P3H2: variants seen among roughly 807,000 people sequenced by gnomAD.
P3H2 encodes the protein leprecan-like 1.
In P3H2, 80 loss-of-function variants were observed where a neutral mutation model predicts 87.0. The ratio of observed to expected loss-of-function variants is 0.92; its 90% CI spans 0.77 to 1.11. P3H2 has a LOEUF of 1.11. Ranked by LOEUF, P3H2 falls within the 50% of genes least tolerant of loss-of-function variation. P3H2 has a pLI of 0.00. For synonymous variants in P3H2, 367 were observed against 359.3 expected, an observed-to-expected ratio of 1.02 and a Z score of -0.24; for missense variants, 1,001 against 923.9, an observed-to-expected ratio of 1.08 and a Z score of -1.08.
chr3:189,979,078 G>A (rs1723443665), intron 8 of P3H2, among the ~76,000 whole-genome samples: 1 of 152,064 alleles, frequency 6.6e-6, no homozygotes, highest in African/African-American at 2.4e-5. Context: ...AAAGCATGAT[G>A]GTGTAGGCAG....
intron 1 of P3H2, among the ~76,000 whole-genome samples, chr3:190,021,569 T>G (rs922601651): frequency 1.5e-5 from 2 of 134,768 alleles, no homozygotes; most frequent in African/African-American, 5.1e-5. Flanking sequence ...TATGTAAACT[T>G]TTCTCTTTCA....
chr3:190,030,038 G>T (rs1719631), intron 1 of P3H2, among the ~76,000 whole-genome samples: 88,848 of 151,036 alleles, frequency 0.59, 27,756 homozygotes, highest in Admixed American at 0.71. Context: ...AAAAGATAAT[G>T]TGCTGAACTA....
intron 1 of P3H2, among the ~76,000 whole-genome samples, chr3:190,104,640 T>A (rs1577325964): frequency 1.3e-5 from 2 of 152,322 alleles, no homozygotes; most frequent in East Asian, 1.9e-4. Flanking sequence ...TTGCTTTTAC[T>A]TAGTATATCA....
intron 1 of P3H2, among the ~76,000 whole-genome samples, chr3:190,055,062 T>G (rs1221176894): frequency 2.0e-5 from 3 of 152,196 alleles, no homozygotes; most frequent in Non-Finnish European, 2.9e-5. Flanking sequence ...TCTTGTTCTC[T>G]GAGGGACAGG....
At position 190,109,293 on chromosome 3, in the gene P3H2, CTCTT is replaced by C. The variant is rs541853484; in HGVS notation, c.480+10955_480+10958del. Among the ~76,000 whole-genome samples, 73 of 152,198 alleles carry C rather than the reference CTCTT, an allele frequency of 4.8e-4. 1 individual carries two copies. Among genetic ancestry groups the C allele is most frequent in the Non-Finnish European group, 6.8e-4 (46 of 67,996 alleles). The stretch of plus-strand genomic sequence containing the variant: ...TTTGGCTCCCTCCTTCCCTCCCTTT[CTCTT>C]TCTTTCTGTCTCTAATATTTTTTCT... On this transcript the variant is annotated intron_variant, in intron 1 of 14. Transcript: ENST00000319332.
intron 8 of P3H2, among the ~76,000 whole-genome samples, chr3:189,978,614 TA>T (rs1393041308): frequency 3.9e-5 from 6 of 152,038 alleles, no homozygotes; most frequent in Non-Finnish European, 7.4e-5. Context: ...TTAATATTAC[TA>T]AGTGTAGAAT....
chr3:189,968,753 T>C (rs1169721044), intron 13 of P3H2, among the ~76,000 whole-genome samples: 2 of 152,044 alleles, frequency 1.3e-5, no homozygotes, highest in African/African-American at 2.4e-5. Context: ...CTCTCCAGCA[T>C]CTGTTGTTTC....
At chr3:190,020,932 T>C (rs1252034176) in intron 1 of P3H2, among the ~76,000 whole-genome samples, 1 of 134,624 alleles carries the variant, frequency 7.4e-6, no homozygotes, top group Non-Finnish European at 1.7e-5. Context: ...AAGGAACTTT[T>C]AAGTATAGTT....
At chr3:190,076,403 G>A (rs572896127) in intron 1 of P3H2, among the ~76,000 whole-genome samples, 24 of 152,222 alleles carry the variant, frequency 1.6e-4, no homozygotes, top group African/African-American at 5.5e-4. Flanking sequence ...ATGGAACACT[G>A]GGCAATTCTT....
intron 1 of P3H2, among the ~76,000 whole-genome samples, chr3:190,112,032 T>C (rs1338534105): frequency 5.3e-5 from 8 of 152,306 alleles, no homozygotes; most frequent in African/African-American, 1.9e-4. Context: ...ATAACTGGTA[T>C]TATGGTTGAC....
At chr3:190,005,462 G>A (rs986153526) in intron 1 of P3H2, among the ~76,000 whole-genome samples, 5 of 152,194 alleles carry the variant, frequency 3.3e-5, no homozygotes, top group African/African-American at 1.2e-4. Context: ...GAGGCTTTTA[G>A]GGTTTAGTGA....
chr3:190,069,999 G>A (rs770390117), intron 1 of P3H2, among the ~76,000 whole-genome samples: 9 of 151,806 alleles, frequency 5.9e-5, no homozygotes, highest in Non-Finnish European at 1.0e-4. Context: ...TAACGGAGAA[G>A]TGAGGTGAAA....
upstream of P3H2, chr3:190,122,144 G>C (rs540188044): frequency 6.6e-6 from 1 of 151,248 alleles, no homozygotes; most frequent in Non-Finnish European, 1.5e-5. Context: ...GGACGGGAGA[G>C]GAGAGGGAAA....
intron 14 of P3H2, among the ~76,000 whole-genome samples, chr3:189,959,860 ATGTGTGTGTGTGTGTGTGTGTGTGTGTG>A (rs75204350): frequency 4.4e-5 from 6 of 134,878 alleles, no homozygotes; most frequent in East Asian, 2.2e-4. Context: ...TGGAGGAGAT[ATGTGTGTGTGTGTGTGTGTGTGTGTGTG>A]TGTGTGTGTG....
intron 8 of P3H2, among the ~76,000 whole-genome samples, chr3:189,975,961 A>T (rs1245271363): frequency 6.6e-6 from 1 of 152,240 alleles, no homozygotes; most frequent in Non-Finnish European, 1.5e-5. Context: ...CTATGTTCAC[A>T]TTATTTATTT....
chr3:190,014,598 T>C (rs185974162), intron 1 of P3H2, among the ~76,000 whole-genome samples: 1 of 152,184 alleles, frequency 6.6e-6, no homozygotes, highest in African/African-American at 2.4e-5. Flanking sequence ...GGAGGAGAGA[T>C]TTCATTCACA....
At chr3:190,021,080 T>C (rs1276971658) in intron 1 of P3H2, among the ~76,000 whole-genome samples, 1 of 134,988 alleles carries the variant, frequency 7.4e-6, no homozygotes, top group African/African-American at 2.6e-5. Context: ...GCTAGAGTCC[T>C]CTAGATGTTT....
At chr3:190,045,683 T>G (rs1725776642) in intron 1 of P3H2, among the ~76,000 whole-genome samples, 1 of 152,030 alleles carries the variant, frequency 6.6e-6, no homozygotes, top group East Asian at 1.9e-4. Context: ...TAAGACAGAG[T>G]ATTTTAGATA....
chr3:190,033,020 G>A (rs925111664), intron 1 of P3H2, among the ~76,000 whole-genome samples: 1 of 152,170 alleles, frequency 6.6e-6, no homozygotes, highest in Non-Finnish European at 1.5e-5. Context: ...CCCATCTAGT[G>A]GTGATGGGAG....
Sources: allele counts gnomAD v4.1 joint callset (sites outside exome capture counted in the v4.1 genomes callset), GRCh38; gene constraint gnomAD v4.1.1; transcripts MANE v1.5; gene names NCBI Gene and HGNC (gene_info 2026-07-23, HGNC 2026-07-21).